Variants in STARD9 observed in about 807,000 individuals in gnomAD.
The protein encoded by STARD9 is stAR-related lipid transfer protein 9.
STARD9 carries 346 observed loss-of-function variants against 399.8 expected under a neutral mutation model. The ratio of observed to expected loss-of-function variants is 0.87; its 90% CI spans 0.79 to 0.95. The LOEUF (loss-of-function observed/expected upper bound fraction) is 0.95. Among genes scored for constraint, STARD9 ranks in the 40% least tolerant of loss-of-function variants. STARD9 has a pLI of 0.00. For missense variants in STARD9, 5,832 were observed against 5,667.5 expected (o/e 1.03, Z -0.93); for synonymous variants, 2,203 against 2,143.5 (o/e 1.03, Z -0.77).
chr15:42,689,971 A>G lies in STARD9; in HGVS notation c.8393A>G (p.Asp2798Gly). The G allele has an allele frequency of 6.5e-7, 1 of 1,537,624 alleles. No homozygotes were observed. The change falls in exon 23 of 33, where the codon GAT becomes GGT. Residue 2798 changes from aspartate (D) to glycine (G), a missense_variant. By Grantham distance (94) the Asp-to-Gly change is moderately conservative. Coordinates refer to ENST00000290607, the MANE Select transcript of STARD9 (RefSeq NM_020759.3). ...TLDTTYGEVS[D>G]NLLVTAQGEK... is the part of the protein sequence containing the mutation. ...GACACCACATATGGAGAAGTTTCAG[A>G]TAATTTGTTAGTGACTGCACAGGGA...
chr15:42,665,943 G>C, intron 15 of STARD9, 95 bp downstream of exon 15: 2 of 965,344 alleles, frequency 2.1e-6, no homozygotes, highest in South Asian at 2.8e-5. Context: ...TGGCAGGGCA[G>C]AGAAGAGCTG....
intron 3 of STARD9, among the ~76,000 whole-genome samples, chr15:42,607,315 G>A (rs1474857037): frequency 1.4e-5 from 2 of 142,786 alleles, no homozygotes; most frequent in African/African-American, 2.6e-5. Flanking sequence ...CAATTCTCCT[G>A]CCTCATTCTC....
rs1020216860 is a variant in STARD9, at chr15:42,684,790, A to G, written c.3212A>G (p.Gln1071Arg). 3 of 1,537,140 alleles carry G rather than the reference A, an allele frequency of 2.0e-6. No individual in the cohort carries two copies. Among genetic ancestry groups the G allele is most frequent in the Non-Finnish European group, 2.6e-6 (3 of 1,146,914 alleles). ...HLPLGSPLKR[Q>R]QNTRDPDTMV... is the part of the protein sequence containing the mutation. ...CCTCTTGGCAGTCCTTTGAAGAGACAACAAAATACAAGGGACCCAGACACC... is the reference window on the plus strand; with the variant it reads ...CCTCTTGGCAGTCCTTTGAAGAGACGACAAAATACAAGGGACCCAGACACC... The change falls in exon 23 of 33, where the codon CAA (glutamine) becomes CGA (arginine). Residue 1071 changes from glutamine to arginine, a missense_variant. Physicochemically the swap from Gln to Arg is conservative, Grantham distance 43 (BLOSUM62 1). Around this residue, in one of 2 missense-constraint regions of STARD9, gnomAD observed 5,828 missense variants for 5,651.1 expected, o/e 1.03. Transcript: ENST00000290607.
chr15:42,665,039 A>T (rs1055552146), intron 13 of STARD9, among the ~76,000 whole-genome samples: 4 of 152,030 alleles, frequency 2.6e-5, no homozygotes, highest in Non-Finnish European at 5.9e-5. Flanking sequence ...AGAGTTTCTG[A>T]TTTATTTGGT....
In STARD9 at chr15:42,694,701, G is replaced by A; in HGVS notation, c.12938G>A (p.Arg4313Lys). 1 of 1,537,244 alleles carries A rather than the reference G, an allele frequency of 6.5e-7. No individual in the cohort carries two copies. Among genetic ancestry groups the A allele is most frequent in the Non-Finnish European group, 8.7e-7 (1 of 1,146,908 alleles). The change falls in exon 24 of 33, where the codon AGG becomes AAG. Residue 4313 changes from arginine to lysine, a missense_variant. By Grantham distance (26) the Arg-to-Lys change is conservative. Transcript: ENST00000290607. Reference sequence around the variant, plus strand: ...CGCCGAGAATACCTGCAGCAACTGAGGAAGGATGTTGTGGAGACCACCAGG... The same window carrying A: ...CGCCGAGAATACCTGCAGCAACTGAAGAAGGATGTTGTGGAGACCACCAGG... ...SRRREYLQQL[R>K]KDVVETTRSP...
chr15:42,658,373 G>A (rs534543775), intron 9 of STARD9, among the ~76,000 whole-genome samples: 8 of 150,592 alleles, frequency 5.3e-5, no homozygotes, highest in Non-Finnish European at 1.0e-4. Flanking sequence ...ACAAGGTCTC[G>A]TTATGTTGCC....
intron 26 of STARD9, among the ~76,000 whole-genome samples, chr15:42,713,948 T>C (rs543319524): frequency 6.6e-6 from 1 of 152,172 alleles, no homozygotes; most frequent in Non-Finnish European, 1.5e-5. Flanking sequence ...CTGGGAAGGA[T>C]TGGTATTAAT....
intron 3 of STARD9, among the ~76,000 whole-genome samples, chr15:42,587,200 C>T (rs943367951): frequency 1.3e-5 from 2 of 152,158 alleles, no homozygotes; most frequent in Non-Finnish European, 2.9e-5. Flanking sequence ...ATTATCAAGT[C>T]TGAGTGACTC....
intron 3 of STARD9, among the ~76,000 whole-genome samples, chr15:42,602,935 G>A (rs2058657488): frequency 6.6e-6 from 1 of 152,182 alleles, no homozygotes. Context: ...GGAAGTTGGC[G>A]TGAGAGCCTT....
chr15:42,703,114 G>T (rs531516751), intron 26 of STARD9, among the ~76,000 whole-genome samples: 3 of 152,168 alleles, frequency 2.0e-5, no homozygotes, highest in African/African-American at 7.2e-5. Flanking sequence ...CTCTTCTCTT[G>T]CTGGTTTAAT....
intron 26 of STARD9, among the ~76,000 whole-genome samples, chr15:42,696,222 T>A (rs2060843946): frequency 6.6e-6 from 1 of 152,220 alleles, no homozygotes; most frequent in Admixed American, 6.5e-5. Context: ...GGCGGGTTGC[T>A]AAACCAGCAT....
intron 7 of STARD9, among the ~76,000 whole-genome samples, chr15:42,645,506 G>T (rs2059628009): frequency 6.6e-6 from 1 of 151,786 alleles, no homozygotes; most frequent in Non-Finnish European, 1.5e-5. Context: ...AGGCTTTATG[G>T]TTCCATTTAT....
At chr15:42,588,802 T>A (rs1160709503) in intron 3 of STARD9, among the ~76,000 whole-genome samples, 1 of 41,862 alleles carries the variant, frequency 2.4e-5, no homozygotes, top group Non-Finnish European at 6.4e-5. Flanking sequence ...TTTTTTTTTT[T>A]TTTTTTTTTT....
intron 26 of STARD9, among the ~76,000 whole-genome samples, chr15:42,712,096 TAATATATAATATATA>T (rs2061244673): frequency 2.0e-3 from 1 of 508 alleles, no homozygotes; most frequent in Non-Finnish European, 6.0e-3. Context: ...TATATATATA[TAATATATAATATATA>T]ATATATAATA....
intron 32 of STARD9, 148 bp downstream of exon 32, chr15:42,719,058 G>A: frequency 1.5e-6 from 1 of 660,286 alleles, no homozygotes; most frequent in Non-Finnish European, 2.6e-6. Flanking sequence ...CTGGGCTTTT[G>A]CAGTAAGGGG....
intron 9 of STARD9, among the ~76,000 whole-genome samples, chr15:42,658,914 C>G (rs900296152): frequency 6.6e-6 from 1 of 152,048 alleles, no homozygotes; most frequent in African/African-American, 2.4e-5. Context: ...GGGGTCGAGA[C>G]CAGCCTAGCC....
At position 42,688,820 on chromosome 15, in the gene STARD9, G is replaced by A; in HGVS notation, c.7242G>A (p.Met2414Ile). ...HTAWCGSVRS[M>I]AMGSHSQSGV... ...CCTGGTGTGGGTCTGTGCGATCCAT[G>A]GCCATGGGATCTCATAGTCAATCTG... The change falls in exon 23 of 33, where the codon ATG becomes ATA. Residue 2414 changes from methionine (M) to isoleucine (I), a missense_variant. By Grantham distance (10) the Met-to-Ile change is conservative. Coordinates refer to ENST00000290607, the MANE Select transcript of STARD9 (RefSeq NM_020759.3). The A allele has an allele frequency of 1.3e-6, 2 of 1,537,352 alleles. No individual in the cohort carries two copies. The highest frequency in any genetic ancestry group is 1.7e-6 in the Non-Finnish European group (2 of 1,146,934).
chr15:42,666,691 G>A (rs544231365), intron 15 of STARD9, among the ~76,000 whole-genome samples: 1 of 152,352 alleles, frequency 6.6e-6, no homozygotes, highest in East Asian at 1.9e-4. Context: ...AGGATGAATT[G>A]AAAGGTGGGA....
intron 4 of STARD9, among the ~76,000 whole-genome samples, chr15:42,637,012 C>T (rs571128494): frequency 3.4e-5 from 5 of 149,214 alleles, no homozygotes; most frequent in African/African-American, 9.9e-5. Context: ...TGCAGTGAGC[C>T]GAGATCATGC....
Sources: allele counts gnomAD v4.1 joint callset (sites outside exome capture counted in the v4.1 genomes callset), GRCh38; gene constraint gnomAD v4.1.1; regional missense constraint gnomAD v4.1.1; transcripts MANE v1.5; gene names NCBI Gene and HGNC (gene_info 2026-07-23, HGNC 2026-07-21).